FBXO44: variants seen among roughly 807,000 people sequenced by gnomAD.
The protein encoded by FBXO44 is F-box protein 44, also known as F-box only protein 44.
FBXO44 carries 25 observed loss-of-function variants against 33.5 expected under a neutral mutation model. The observed-to-expected ratio is 0.75, with a 90% confidence interval of 0.54 to 1.04. The LOEUF is 1.04. FBXO44 is among the 50% of genes least tolerant of loss of function. The probability of loss-of-function intolerance (pLI) is 0.00; values close to 1 mark genes in which losing one functional copy is unlikely to be tolerated. For missense variants in FBXO44, 311 were observed against 344.0 expected (o/e 0.90, Z 0.76); for synonymous variants, 147 against 152.8 (o/e 0.96, Z 0.28).
intron 1 of FBXO44, 125 bp from the exon 2 acceptor site, chr1:11,655,681 G>GC: frequency 1.0e-6 from 1 of 985,854 alleles, no homozygotes; most frequent in East Asian, 2.6e-5. Context: ...TCCTTGGACC[G>GC]CCCCAGTGAC....
Position 11,661,487 on chromosome 1 carries a change from G to T in FBXO44, c.*214G>T. On this transcript the variant is annotated 3_prime_UTR_variant, in exon 6 of 6. Transcript: ENST00000251547. The surrounding 1 kb of genome is among the most constrained non-coding windows in gnomAD (Gnocchi z 4.4). ...CCGAAAGGTCTTGACCTGAATGATGGCCGGGGAAGCCTGCGTGTGCCCCTT... is the reference window on the plus strand; with the variant it reads ...CCGAAAGGTCTTGACCTGAATGATGTCCGGGGAAGCCTGCGTGTGCCCCTT... 1 of 603,984 alleles carries T rather than the reference G, an allele frequency of 1.7e-6. No individual in the cohort carries two copies. The highest frequency in any genetic ancestry group is 2.9e-5 in the East Asian group (1 of 34,762). 37.4% of individuals were successfully genotyped at this position (603,984 alleles called of 1,614,324 possible).
At chr1:11,660,929 C>T (rs1161502071) in intron 5 of FBXO44, among the ~76,000 whole-genome samples, 1 of 151,910 alleles carries the variant, frequency 6.6e-6, no homozygotes, top group African/African-American at 2.4e-5. Context: ...AGGCACACAC[C>T]ACCATGCCTG....
rs900632069 is a variant in FBXO44 at position 11,656,753 on chromosome 1, G to A, written c.265+653G>A. Among the ~76,000 whole-genome samples the A allele has an allele frequency of 1.4e-4, 22 of 152,266 alleles. No individual in the cohort carries two copies. In the East Asian group the frequency reaches 1.9e-3, roughly 13 times the overall value. The stretch of plus-strand genomic sequence containing the variant: ...GCTGGGATTACACGCATGAGCCACC[G>A]CGCCCGGCCTCTTATTCTGCTCTTA... On this transcript the variant is annotated intron_variant, in intron 2 of 5. Coordinates refer to ENST00000251547, the MANE Select transcript of FBXO44 (RefSeq NM_033182.7).
chr1:11,659,450 T>A (rs1640043574), intron 5 of FBXO44, among the ~76,000 whole-genome samples: 1 of 152,236 alleles, frequency 6.6e-6, no homozygotes, highest in Non-Finnish European at 1.5e-5. Context: ...TAGTATTGAT[T>A]ACTACTGTTT....
At chr1:11,655,318 TC>T (rs1278122282) in intron 1 of FBXO44, 1 of 154,156 alleles carries the variant, frequency 6.5e-6, no homozygotes, top group Admixed American at 6.4e-5. Context: ...CTCTTGCCAC[TC>T]CCACCTAGGC....
intron 2 of FBXO44, 152 bp from the exon 3 acceptor site, chr1:11,658,115 A>T: frequency 7.9e-7 from 1 of 1,257,944 alleles, no homozygotes; most frequent in Non-Finnish European, 1.1e-6. Flanking sequence ...AGCACCTAAT[A>T]CGCGGTGGGC....
rs369332939 is a variant in FBXO44 at position 11,659,238 on chromosome 1, T to C, written c.624+367T>C. 3.9e-4 allele frequency among the ~76,000 whole-genome samples: 59 copies of C among 152,126 alleles called. No individual in the cohort carries two copies. In the East Asian group the frequency reaches 6.8e-3, roughly 17 times the overall value. On this transcript the variant is annotated intron_variant, in intron 5 of 5. Transcript: ENST00000251547. ...CCCCGTCTTTACTAAAAATACAAAA[T>C]TACCCAGGCGTGGTGGCACATGCCA...
rs1357616726 is a variant in FBXO44, at chr1:11,662,459, G to A, written c.*1186G>A. Reference sequence around the variant, plus strand: ...TGGGCAGACCCCTCAGTGAGCTGCAGGTATCTCACCTGGCAGCCGTCCAGT... The same window carrying A: ...TGGGCAGACCCCTCAGTGAGCTGCAAGTATCTCACCTGGCAGCCGTCCAGT... On this transcript the variant is annotated 3_prime_UTR_variant, in exon 6 of 6. Transcript: ENST00000251547. 6.6e-6 allele frequency: 1 copy of A among 152,274 alleles called. No homozygotes were observed. Among genetic ancestry groups the A allele is most frequent in the Non-Finnish European group, 1.5e-5 (1 of 68,086 alleles). The allele number at this position is 152,274 out of a possible 1,614,324, so 9.4% of individuals were successfully genotyped here.
At position 11,661,336 on chromosome 1, in the gene FBXO44, G is replaced by A. The variant is rs371495124; in HGVS notation, c.*63G>A. On this transcript the variant is annotated 3_prime_UTR_variant, in exon 6 of 6. Transcript: ENST00000251547. The surrounding 1 kb of genome is among the most constrained non-coding windows in gnomAD (Gnocchi z 4.4). The stretch of plus-strand genomic sequence containing the variant: ...AAACAACTGCTGTCAGAAAAGGGCT[G>A]GGCTTGGGAAGGGGAGGTGGAGGCC... 46 of 1,602,820 alleles carry A rather than the reference G, an allele frequency of 2.9e-5. No individual in the cohort carries two copies. In the East Asian group the frequency reaches 8.5e-4, roughly 30 times the overall value.
chr1:11,657,367 G>A (rs1231994871), intron 2 of FBXO44, among the ~76,000 whole-genome samples: 2 of 152,036 alleles, frequency 1.3e-5, no homozygotes, highest in African/African-American at 4.8e-5. Context: ...CAACTGGCCT[G>A]AGGTCACACA....
rs535019278 is a variant in FBXO44 at position 11,655,599 on chromosome 1, A to G, written c.-30-207A>G. The G allele has an allele frequency of 3.5e-5, 20 of 576,370 alleles. No homozygotes were observed. In the East Asian group the frequency reaches 5.1e-4, roughly 15 times the overall value. 35.7% of individuals were successfully genotyped at this position (576,370 alleles called of 1,614,324 possible). A position where few individuals can be genotyped will look rare whatever the true frequency, so the allele number is the denominator to read the frequency against. Reference sequence around the variant, plus strand: ...TTTTTGACCTTGGGCAGTGCCTTCCACCTCTATTGTGAGAGGCCAGAGAAA... The same window carrying G: ...TTTTTGACCTTGGGCAGTGCCTTCCGCCTCTATTGTGAGAGGCCAGAGAAA... On this transcript the variant is annotated intron_variant, in intron 1 of 5. Transcript: ENST00000251547.
Position 11,658,896 on chromosome 1 carries a change from C to T in FBXO44, c.624+25C>T, listed in dbSNP as rs1227471404. 7 of 1,601,044 alleles carry T rather than the reference C, an allele frequency of 4.4e-6. No individual in the cohort carries two copies. The African/African-American group carries it at 5.3e-5, about 12-fold the overall frequency. ...GGTGCGTGGGCCTGGGGGACGGGGG[C>T]AGAGGCAGATCGTCCAAGGCTGAGG... On this transcript the variant is annotated intron_variant, in intron 5 of 5. Transcript: ENST00000251547.
chr1:11,661,562 C>T lies in FBXO44; in HGVS notation c.*289C>T. On this transcript the variant is annotated 3_prime_UTR_variant, in exon 6 of 6. Coordinates refer to ENST00000251547, the MANE Select transcript of FBXO44 (RefSeq NM_033182.7). This position sits in a 1 kb window ranked among gnomAD's most constrained non-coding sequence, Gnocchi z 4.4. ...GGGAGGTGCAGCATGTTCCCCTGGGCCCCTCAGAAAGTCGAGCTTGGAGGC... is the reference window on the plus strand; with the variant it reads ...GGGAGGTGCAGCATGTTCCCCTGGGTCCCTCAGAAAGTCGAGCTTGGAGGC... The T allele has an allele frequency of 2.3e-6, 1 of 426,166 alleles. No homozygotes were observed. The allele number at this position is 426,166 out of a possible 1,614,324, so 26.4% of individuals were successfully genotyped here.
Position 11,660,999 on chromosome 1 carries a change from T to C in FBXO44, c.625-131T>C, listed in dbSNP as rs558148133. 4.8e-5 allele frequency: 45 copies of C among 943,288 alleles called. No individual in the cohort carries two copies. The African/African-American group carries it at 5.5e-4, about 11-fold the overall frequency. The allele number at this position is 943,288 out of a possible 1,614,324, so 58.4% of individuals were successfully genotyped here. On this transcript the variant is annotated intron_variant, in intron 5 of 5. Coordinates refer to ENST00000251547, the MANE Select transcript of FBXO44 (RefSeq NM_033182.7). ...ACTCTCTGGTTTGCGACAAGACTAG[T>C]TGCAAACTCCTGGGCTCAAACAACC...
At chr1:11,654,598 T>A, upstream of FBXO44, 1 of 360,650 alleles carries the variant, frequency 2.8e-6, no homozygotes, top group East Asian at 4.1e-5. Flanking sequence ...AGTCGTTTTT[T>A]TTCCAACTGG....
intron 2 of FBXO44, among the ~76,000 whole-genome samples, chr1:11,656,951 G>A (rs1639852641): frequency 6.6e-6 from 1 of 152,172 alleles, no homozygotes; most frequent in African/African-American, 2.4e-5. Flanking sequence ...TTTTGCTTGT[G>A]GAAGAATGGG....
upstream of FBXO44, chr1:11,654,818 C>T (rs1474139233): frequency 1.2e-5 from 1 of 86,076 alleles, no homozygotes; most frequent in Non-Finnish European, 2.5e-5. Flanking sequence ...TGGCCCAGCG[C>T]TGCGCGGGGC....
rs758786137 is a variant in FBXO44, at chr1:11,655,964, C to A, written c.129C>A (p.Leu43=). The change falls in exon 2 of 6, where the codon CTC becomes CTA. Residue 43 remains leucine, a synonymous_variant. Coordinates refer to ENST00000251547, the MANE Select transcript of FBXO44 (RefSeq NM_033182.7). Reference sequence around the variant, plus strand: ...GCCTCTGGCGGGACCTCATCGACCTCGTGACCCTCTGGAAACGCAAGTGCC... The same window carrying A: ...GCCTCTGGCGGGACCTCATCGACCTAGTGACCCTCTGGAAACGCAAGTGCC... ...VCSLWRDLID[L]VTLWKRKCLR... is the part of the protein sequence containing the mutation. 6.2e-7 allele frequency: 1 copy of A among 1,614,118 alleles called. No individual in the cohort carries two copies. Among genetic ancestry groups the A allele is most frequent in the South Asian group, 1.1e-5 (1 of 91,086 alleles).
At chr1:11,659,557 G>A (rs1409399192) in intron 5 of FBXO44, among the ~76,000 whole-genome samples, 1 of 152,066 alleles carries the variant, frequency 6.6e-6, no homozygotes, top group Non-Finnish European at 1.5e-5. Flanking sequence ...CCAGGCTGGC[G>A]CATTCATAGC....
Sources: gnomAD v4.1 joint callset for allele counts (sites outside exome capture counted in the v4.1 genomes callset) on GRCh38, gnomAD v4.1.1 for gene constraint, Gnocchi (gnomAD v3.1) non-coding constraint, MANE v1.5 for transcripts, NCBI Gene and HGNC (gene_info 2026-07-23, HGNC 2026-07-21) for gene names.